CSMD1: variants seen among roughly 807,000 people sequenced by gnomAD.
The protein encoded by CSMD1 is CUB and Sushi multiple domains 1, also known as CUB and sushi domain-containing protein 1.
In CSMD1, 213 loss-of-function variants were observed where a neutral mutation model predicts 417.5. That is an observed-to-expected ratio of 0.51 (90% CI 0.46 to 0.57). The LOEUF (loss-of-function observed/expected upper bound fraction) is 0.57, where lower values mean the gene tolerates loss of function less well. CSMD1 is among the 20% of genes least tolerant of loss of function. The pLI is 0.00. For missense variants in CSMD1, 6,923 were observed against 4,529.7 expected (o/e 1.53, Z -15.17); for synonymous variants, 2,862 against 1,736.8 (o/e 1.65, Z -16.11).
intron 3 of CSMD1, among the ~76,000 whole-genome samples, chr8:4,181,078 A>T (rs1235089617): frequency 6.6e-6 from 1 of 152,238 alleles, no homozygotes; most frequent in East Asian, 1.9e-4. Flanking sequence ...ATAGGACAAC[A>T]GACCTATTGA....
intron 51 of CSMD1, among the ~76,000 whole-genome samples, chr8:3,022,949 C>G (rs548723254): frequency 2.6e-5 from 4 of 152,294 alleles, no homozygotes; most frequent in African/African-American, 9.6e-5. Flanking sequence ...AACATGAAAT[C>G]AGCTGTCTCT....
chr8:4,530,073 C>G (rs938370023), intron 2 of CSMD1, among the ~76,000 whole-genome samples: 3 of 151,574 alleles, frequency 2.0e-5, no homozygotes, highest in African/African-American at 7.3e-5. Flanking sequence ...CGCCACCACG[C>G]CCGACTAGTT....
At chr8:4,259,725 A>G (rs888520126) in intron 3 of CSMD1, among the ~76,000 whole-genome samples, 7 of 152,164 alleles carry the variant, frequency 4.6e-5, no homozygotes, top group African/African-American at 1.7e-4. Flanking sequence ...TTTGCCACAA[A>G]TATATACACA....
At chr8:4,584,375 C>A (rs986171302) in intron 2 of CSMD1, among the ~76,000 whole-genome samples, 1 of 152,170 alleles carries the variant, frequency 6.6e-6, no homozygotes, top group Non-Finnish European at 1.5e-5. Context: ...AGACCCCTTT[C>A]GCTTGCTATT....
chr8:3,343,445 A>G lies in CSMD1; in HGVS notation c.3480T>C (p.Tyr1160=). 1 of 1,612,388 alleles carries G rather than the reference A, an allele frequency of 6.2e-7. No individual in the cohort carries two copies. The highest frequency in any genetic ancestry group is 8.5e-7 in the Non-Finnish European group (1 of 1,178,672). ...GACGTGAGGAACTGTCTTTTCCATC[A>G]TATACCTGATGAAAATTCACAGCAT... is the stretch of plus-strand genomic sequence containing the variant. ...QLFEGDTLKV[Y]DGKDSSSRPL... Residue 1160 remains tyrosine (Y), a synonymous_variant, in exon 23 of 70, where the codon TAT becomes TAC. Coordinates refer to ENST00000635120, the MANE Select transcript of CSMD1 (RefSeq NM_033225.6).
chr8:3,908,868 TAATATAATAACACAC>T, intron 5 of CSMD1, among the ~76,000 whole-genome samples: 1 of 152,314 alleles, frequency 6.6e-6, no homozygotes, highest in South Asian at 2.1e-4. Context: ...TACTGTGAGG[TAATATAATAACACAC>T]CTTCCCTAAG....
chr8:4,904,103 C>G lies in CSMD1; in HGVS notation c.85+90229G>C, dbSNP rs75149277. Among the ~76,000 whole-genome samples, 348 of 152,190 alleles carry G rather than the reference C, an allele frequency of 2.3e-3. 11 individuals carry two copies. In the East Asian group the frequency reaches 0.035, roughly 15 times the overall value. On this transcript the variant is annotated intron_variant, in intron 1 of 69. Transcript: ENST00000635120. ...GAAAAGAACCAGGATAGGATAGGCT[C>G]GAATTCCAATGTATGTTAGAATCAT...
intron 2 of CSMD1, among the ~76,000 whole-genome samples, chr8:4,510,312 C>G (rs1802743998): frequency 7.3e-6 from 1 of 136,120 alleles, no homozygotes; most frequent in Non-Finnish European, 1.5e-5. Context: ...GACTGTTACA[C>G]ACTACAACTA....
At chr8:3,551,375 T>G (rs1050083324) in intron 10 of CSMD1, among the ~76,000 whole-genome samples, 3 of 152,058 alleles carry the variant, frequency 2.0e-5, no homozygotes, top group Non-Finnish European at 4.4e-5. Context: ...GTTTTAAGCC[T>G]AAGAGTAGAT....
intron 5 of CSMD1, among the ~76,000 whole-genome samples, chr8:3,850,883 T>G: frequency 6.6e-6 from 1 of 152,262 alleles, no homozygotes; most frequent in Non-Finnish European, 1.5e-5. Flanking sequence ...ATTTCAGCAT[T>G]ATTATCACAG....
intron 1 of CSMD1, among the ~76,000 whole-genome samples, chr8:4,801,196 T>C (rs762387230): frequency 6.6e-6 from 1 of 152,276 alleles, no homozygotes; most frequent in Non-Finnish European, 1.5e-5. Flanking sequence ...TTCCTACTTC[T>C]GGTCATTTCT....
intron 38 of CSMD1, among the ~76,000 whole-genome samples, chr8:3,159,947 G>A (rs987302850): frequency 2.6e-5 from 4 of 152,100 alleles, no homozygotes; most frequent in Non-Finnish European, 4.4e-5. Context: ...GAGGAACATC[G>A]ATGAGCAAGA....
intron 40 of CSMD1, among the ~76,000 whole-genome samples, chr8:3,148,144 A>G (rs1818960421): frequency 6.6e-6 from 1 of 152,232 alleles, no homozygotes; most frequent in African/African-American, 2.4e-5. Context: ...GGGTGTTAAT[A>G]GGAAGCAACA....
At chr8:3,959,137 A>C (rs181790591) in intron 5 of CSMD1, among the ~76,000 whole-genome samples, 3 of 152,214 alleles carry the variant, frequency 2.0e-5, no homozygotes, top group Non-Finnish European at 4.4e-5. Flanking sequence ...CAGTCTTTAC[A>C]TATTTAAAAG....
At chr8:4,297,953 C>G (rs79954446) in intron 3 of CSMD1, among the ~76,000 whole-genome samples, 1 of 152,064 alleles carries the variant, frequency 6.6e-6, no homozygotes, top group Non-Finnish European at 1.5e-5. Flanking sequence ...GGCTAGGTGA[C>G]GGATTACCTG....
chr8:3,268,674 T>C (rs766469702), intron 26 of CSMD1, among the ~76,000 whole-genome samples: 54 of 152,336 alleles, frequency 3.5e-4, no homozygotes, highest in Middle Eastern at 3.4e-3. Context: ...AACATGTTTT[T>C]AAAGACATTG....
chr8:4,067,073 T>A (rs1295108982), intron 3 of CSMD1, among the ~76,000 whole-genome samples: 1 of 152,216 alleles, frequency 6.6e-6, no homozygotes, highest in Admixed American at 6.5e-5. Context: ...AGACTGAAAT[T>A]CAGACACAGA....
At chr8:3,074,838 T>A (rs1289562649) in intron 49 of CSMD1, among the ~76,000 whole-genome samples, 1 of 152,196 alleles carries the variant, frequency 6.6e-6, no homozygotes. Flanking sequence ...TATAAAGACA[T>A]AGATTATAGA....
At chr8:3,969,666 T>A (rs1812942737) in intron 5 of CSMD1, among the ~76,000 whole-genome samples, 1 of 152,236 alleles carries the variant, frequency 6.6e-6, no homozygotes. Flanking sequence ...TAAAGGTTCC[T>A]TGCTTTGATG....
Sources: gnomAD v4.1 joint callset for allele counts (sites outside exome capture counted in the v4.1 genomes callset) on GRCh38, gnomAD v4.1.1 for gene constraint, MANE v1.5 for transcripts, NCBI Gene and HGNC (gene_info 2026-07-23, HGNC 2026-07-21) for gene names.